Variants in GRIN2B observed in about 807,000 individuals in gnomAD.
GRIN2B encodes the protein glutamate receptor ionotropic, NMDA 2B.
Under a neutral mutation model 114.5 loss-of-function variants are expected in GRIN2B, and 5 were observed. That is an observed-to-expected ratio of 0.04 (90% CI 0.02 to 0.09). GRIN2B has a LOEUF of 0.09. Among genes scored for constraint, GRIN2B ranks in the 10% least tolerant of loss-of-function variants. The pLI, the probability that GRIN2B is intolerant of heterozygous loss-of-function variation, is 1.00. For synonymous variants in GRIN2B, 787 were observed against 745.1 expected, an observed-to-expected ratio of 1.06 and a Z score of -0.92; for missense variants, 1,108 against 1,943.5, an observed-to-expected ratio of 0.57 and a Z score of 8.08.
At chr12:13,681,934 A>G (rs1950134847) in intron 4 of GRIN2B, among the ~76,000 whole-genome samples, 1 of 152,186 alleles carries the variant, frequency 6.6e-6, no homozygotes, top group South Asian at 2.1e-4. Context: ...TTTAGAAATT[A>G]TGATTATTTA....
At chr12:13,849,844 C>G (rs545647075) in intron 3 of GRIN2B, among the ~76,000 whole-genome samples, 3 of 152,190 alleles carry the variant, frequency 2.0e-5, no homozygotes, top group Non-Finnish European at 4.4e-5. Flanking sequence ...AAGGGGCTCT[C>G]TTTCTCTAGA....
chr12:13,631,641 A>G (rs1161131004), intron 5 of GRIN2B, among the ~76,000 whole-genome samples: 1 of 152,224 alleles, frequency 6.6e-6, no homozygotes, highest in Non-Finnish European at 1.5e-5. Flanking sequence ...TTAAGATGCC[A>G]GGTAACTTGC....
At chr12:13,740,215 A>G (rs1863256921) in intron 4 of GRIN2B, among the ~76,000 whole-genome samples, 1 of 152,218 alleles carries the variant, frequency 6.6e-6, no homozygotes. Context: ...TCATTCTGCT[A>G]GTCTTTTAGG....
In GRIN2B at chr12:13,834,004, G is replaced by A. The variant is rs138027440; in HGVS notation, c.411+31794C>T. 8.8e-3 allele frequency among the ~76,000 whole-genome samples: 1,248 copies of A among 141,788 alleles called. 20 individuals are homozygous for A. The highest frequency in any genetic ancestry group is 0.031 in the African/African-American group (1,220 of 39,404). The allele number at this position is 141,788 out of a possible 152,430, so 93.0% of individuals were successfully genotyped here. On this transcript the variant is annotated intron_variant, in intron 3 of 13. Transcript: ENST00000609686. ...AAAGGTGCAAGGTGAAAACACAGTA[G>A]TCTCTTTGCTAACTTCTTTTTTTTT...
chr12:13,793,941 C>A (rs1040215432), intron 3 of GRIN2B, among the ~76,000 whole-genome samples: 11 of 150,570 alleles, frequency 7.3e-5, no homozygotes, highest in Non-Finnish European at 1.0e-4. Context: ...GTGGCTCACA[C>A]CTGTAATCCC....
Position 13,539,652 on chromosome 12 carries a change from C to T in GRIN2B, c.*23131G>A, listed in dbSNP as rs994218139. 6.6e-6 allele frequency: 1 copy of T among 152,144 alleles called. No homozygotes were observed. Among genetic ancestry groups the T allele is most frequent in the Admixed American group, 6.5e-5 (1 of 15,284 alleles). The allele number at this position is 152,144 out of a possible 1,614,324, so 9.4% of individuals were successfully genotyped here. On this transcript the variant is annotated 3_prime_UTR_variant, in exon 14 of 14. Coordinates refer to ENST00000609686, the MANE Select transcript of GRIN2B (RefSeq NM_000834.5). ...AACAATTACCAATTTACATTGTCTT[C>T]ATTAATATTGGGAAGAACCAGCAAA...
chr12:13,645,732 A>G (rs1326418208), intron 5 of GRIN2B, among the ~76,000 whole-genome samples: 1 of 151,778 alleles, frequency 6.6e-6, no homozygotes, highest in African/African-American at 2.4e-5. Flanking sequence ...ATATGGGATT[A>G]GGCCTCTAGG....
intron 2 of GRIN2B, among the ~76,000 whole-genome samples, chr12:13,890,225 A>G (rs766272731): frequency 7.2e-5 from 11 of 152,114 alleles, no homozygotes; most frequent in Non-Finnish European, 1.5e-4. Context: ...TCCTTACAAA[A>G]TCACTGCCCC....
At chr12:13,565,799 G>C (rs551202328) in intron 13 of GRIN2B, among the ~76,000 whole-genome samples, 1 of 152,320 alleles carries the variant, frequency 6.6e-6, no homozygotes, top group East Asian at 1.9e-4. Flanking sequence ...GAAAGGTTTA[G>C]ACAAGGTAAG....
intron 10 of GRIN2B, among the ~76,000 whole-genome samples, chr12:13,581,446 AC>A (rs1458609232): frequency 6.6e-6 from 1 of 152,018 alleles, no homozygotes; most frequent in Non-Finnish European, 1.5e-5. Context: ...TGCAGGAAGC[AC>A]CCTCTCTCCT....
intron 3 of GRIN2B, among the ~76,000 whole-genome samples, chr12:13,759,412 C>T (rs1034699837): frequency 3.9e-5 from 6 of 152,178 alleles, no homozygotes; most frequent in Admixed American, 1.3e-4. Context: ...GAGGGGATCC[C>T]TGTTGTAGCC....
chr12:13,948,861 T>A (rs73059669), intron 2 of GRIN2B, among the ~76,000 whole-genome samples: 4,651 of 152,216 alleles, frequency 0.031, 108 homozygotes, highest in Middle Eastern at 0.095. Context: ...ACTGGCATTG[T>A]GGTCCCTCTA....
chr12:13,776,357 C>T (rs1182409325), intron 3 of GRIN2B, among the ~76,000 whole-genome samples: 1 of 152,090 alleles, frequency 6.6e-6, no homozygotes, highest in African/African-American at 2.4e-5. Context: ...ATCTGTGCAG[C>T]AAACCACCAT....
intron 3 of GRIN2B, among the ~76,000 whole-genome samples, chr12:13,772,684 A>C (rs1200551470): frequency 6.6e-6 from 1 of 152,246 alleles, no homozygotes; most frequent in Non-Finnish European, 1.5e-5. Flanking sequence ...GAGCAAGAAG[A>C]GGTAAGGCGG....
intron 2 of GRIN2B, among the ~76,000 whole-genome samples, chr12:13,933,050 T>C (rs943501372): frequency 1.1e-4 from 17 of 151,904 alleles, no homozygotes; most frequent in Non-Finnish European, 1.9e-4. Context: ...TTCTCTTCCA[T>C]AGCTACAGCT....
Position 13,885,097 on chromosome 12 carries a change from TGAG to T in GRIN2B, c.-18-18874_-18-18872del, listed in dbSNP as rs1478230334. Among the ~76,000 whole-genome samples, 10 of 152,144 alleles carry T rather than the reference TGAG, an allele frequency of 6.6e-5. No homozygotes were observed. The South Asian group carries it at 1.9e-3, about 28-fold the overall frequency. ...GACAAGATAATAGATTTGAAACTGA[TGAG>T]GGGTAAAACACAGTAAGATGTGAAA... On this transcript the variant is annotated intron_variant, in intron 2 of 13. Transcript: ENST00000609686.
At chr12:13,874,912 G>A (rs1357440420) in intron 2 of GRIN2B, among the ~76,000 whole-genome samples, 1 of 152,148 alleles carries the variant, frequency 6.6e-6, no homozygotes, top group African/African-American at 2.4e-5. Context: ...AAACAGTGGT[G>A]TTCTGAGCTA....
In GRIN2B at chr12:13,543,137, A is replaced by G. The variant is rs1428202769; in HGVS notation, c.*19646T>C. The G allele has an allele frequency of 6.6e-6, 1 of 151,578 alleles. No homozygotes were observed. The highest frequency in any genetic ancestry group is 2.4e-5 in the African/African-American group (1 of 41,360). 9.4% of individuals were successfully genotyped at this position (151,578 alleles called of 1,614,324 possible). On this transcript the variant is annotated 3_prime_UTR_variant, in exon 14 of 14. Coordinates refer to ENST00000609686, the MANE Select transcript of GRIN2B (RefSeq NM_000834.5). The stretch of plus-strand genomic sequence containing the variant: ...CAACATTTTGTTGACTTCAATATCT[A>G]TATAATTCCCATATCCTGGCCTCTC...
chr12:13,964,110 G>A (rs2136865082), intron 2 of GRIN2B, among the ~76,000 whole-genome samples: 1 of 152,274 alleles, frequency 6.6e-6, no homozygotes, highest in Non-Finnish European at 1.5e-5. Flanking sequence ...TAACATAGTA[G>A]ACAATTATAA....
Sources: gnomAD v4.1 joint callset for allele counts (sites outside exome capture counted in the v4.1 genomes callset) on GRCh38, gnomAD v4.1.1 for gene constraint, MANE v1.5 for transcripts, NCBI Gene and HGNC (gene_info 2026-07-23, HGNC 2026-07-21) for gene names.